CCDC191: variants seen among roughly 807,000 people sequenced by gnomAD.
The protein encoded by CCDC191 is coiled-coil domain containing 191, also known as coiled-coil domain-containing protein 191.
A neutral mutation model predicts 114.0 loss-of-function variants in CCDC191; 99 were observed. That is an observed-to-expected ratio of 0.87 (90% CI 0.74 to 1.03). The LOEUF (loss-of-function observed/expected upper bound fraction) is 1.03, where lower values mean the gene tolerates loss of function less well. Ranked by LOEUF, CCDC191 falls within the 50% of genes least tolerant of loss-of-function variation. The pLI, the probability that CCDC191 is intolerant of heterozygous loss-of-function variation, is 0.00. For missense variants in CCDC191, 973 were observed against 1,087.0 expected, an observed-to-expected ratio of 0.90 and a Z score of 1.47; for synonymous variants, 351 against 376.0, an observed-to-expected ratio of 0.93 and a Z score of 0.77.
chr3:114,007,370 G>A (rs1406372782), intron 9 of CCDC191, among the ~76,000 whole-genome samples: 2 of 152,164 alleles, frequency 1.3e-5, no homozygotes, highest in Non-Finnish European at 2.9e-5. Context: ...CACGATTATA[G>A]AAATGCTTTC....
intron 3 of CCDC191, among the ~76,000 whole-genome samples, chr3:114,045,038 A>T (rs990493871): frequency 6.6e-6 from 1 of 152,218 alleles, no homozygotes; most frequent in East Asian, 1.9e-4. Context: ...CTAGTTTCTC[A>T]GGATAATATA....
rs147266219 is a variant in CCDC191, at chr3:113,978,797, G to C, written c.2460+61C>G. ...CCCTGGACATTCTGGATTTCATTTA[G>C]TTTTCTTAAATAGAATTGAGCAATG... On this transcript the variant is annotated intron_variant, in intron 15 of 16. Transcript: ENST00000295878. 22,081 of 1,544,754 alleles carry C rather than the reference G, an allele frequency of 0.014. 187 individuals are homozygous for C. Among genetic ancestry groups the C allele is most frequent in the Non-Finnish European group, 0.017 (18,905 of 1,134,474 alleles).
At chr3:113,976,760 T>C (rs974018659) in intron 16 of CCDC191, among the ~76,000 whole-genome samples, 8 of 152,180 alleles carry the variant, frequency 5.3e-5, no homozygotes, top group African/African-American at 1.9e-4. Flanking sequence ...TCTGTTGCTA[T>C]CCTCATTTTA....
intron 15 of CCDC191, 52 bp from the exon 16 acceptor site, chr3:113,978,383 G>C: frequency 6.4e-7 from 1 of 1,565,022 alleles, no homozygotes. Context: ...AGTTGACAAA[G>C]AATTAGAGCA....
At chr3:114,044,096 G>C (rs1313230901) in intron 3 of CCDC191, among the ~76,000 whole-genome samples, 1 of 152,012 alleles carries the variant, frequency 6.6e-6, no homozygotes, top group African/African-American at 2.4e-5. Flanking sequence ...TCAGGGGAGA[G>C]GTCCAAGCTG....
At chr3:114,013,016 G>A (rs902798811) in intron 8 of CCDC191, among the ~76,000 whole-genome samples, 3 of 152,160 alleles carry the variant, frequency 2.0e-5, no homozygotes, top group East Asian at 1.9e-4. Flanking sequence ...TTGGGAGGCT[G>A]AGGTGAGTGG....
At chr3:114,034,790 T>C in intron 6 of CCDC191, 135 bp downstream of exon 6, 1 of 742,238 alleles carries the variant, frequency 1.3e-6, no homozygotes, top group Non-Finnish European at 2.3e-6. Context: ...GTTAATTTGT[T>C]AAGATGGTGG....
chr3:114,047,048 T>G, intron 2 of CCDC191: 1 of 954,626 alleles, frequency 1.0e-6, no homozygotes, highest in Non-Finnish European at 1.2e-6. Flanking sequence ...ACATGGATAT[T>G]TTACTTTAAA....
chr3:113,973,818 T>C (rs1045654283), intron 16 of CCDC191, among the ~76,000 whole-genome samples: 3 of 152,068 alleles, frequency 2.0e-5, no homozygotes, highest in Non-Finnish European at 4.4e-5. Context: ...TACGTGGATA[T>C]GTCTTTGTCA....
intron 9 of CCDC191, among the ~76,000 whole-genome samples, chr3:114,007,658 G>A (rs1031710254): frequency 6.6e-6 from 1 of 152,088 alleles, no homozygotes; most frequent in African/African-American, 2.4e-5. Flanking sequence ...TAAAGAACAT[G>A]AAGGAAAAGC....
rs1056889570 is a variant in CCDC191, at chr3:114,026,013, A to G, written c.972+5613T>C. Among the ~76,000 whole-genome samples, 5 of 152,292 alleles carry G rather than the reference A, an allele frequency of 3.3e-5. No homozygotes were observed. In the Middle Eastern group the frequency reaches 0.01, roughly 311 times the overall value. ...AATGTCTAGTGTTTAGGGGGGAAAT[A>G]TTCTACTCTATACAATTTTAGGGAA... On this transcript the variant is annotated intron_variant, in intron 7 of 16. Transcript: ENST00000295878.
intron 4 of CCDC191, among the ~76,000 whole-genome samples, chr3:114,039,012 A>C (rs1269011821): frequency 1.3e-5 from 2 of 152,158 alleles, no homozygotes; most frequent in Non-Finnish European, 2.9e-5. Flanking sequence ...CATCCTGCAC[A>C]TGTACCCTGG....
intron 1 of CCDC191, among the ~76,000 whole-genome samples, chr3:114,055,986 T>C (rs2076769831): frequency 6.6e-6 from 1 of 150,732 alleles, no homozygotes; most frequent in African/African-American, 2.4e-5. Flanking sequence ...CTCTCTCCCG[T>C]TAATAAAGAT....
chr3:114,054,849 T>C (rs1222647089), intron 1 of CCDC191, among the ~76,000 whole-genome samples: 1 of 152,152 alleles, frequency 6.6e-6, no homozygotes, highest in Non-Finnish European at 1.5e-5. Flanking sequence ...TTCCCTCTAA[T>C]AGTCACTTAA....
chr3:114,008,426 G>T (rs1438734039), intron 9 of CCDC191, among the ~76,000 whole-genome samples: 1 of 151,844 alleles, frequency 6.6e-6, no homozygotes, highest in South Asian at 2.1e-4. Flanking sequence ...GCAATAATCA[G>T]GGTAAAAAGC....
intron 2 of CCDC191, among the ~76,000 whole-genome samples, chr3:114,048,707 T>G (rs985435387): frequency 2.0e-5 from 3 of 152,202 alleles, no homozygotes; most frequent in Non-Finnish European, 2.9e-5. Flanking sequence ...CCAGCTCTCC[T>G]TCTCCCCGTC....
At chr3:114,037,392 A>G (rs1196859036) in intron 4 of CCDC191, among the ~76,000 whole-genome samples, 1 of 152,180 alleles carries the variant, frequency 6.6e-6, no homozygotes, top group African/African-American at 2.4e-5. Flanking sequence ...AAATTAGATC[A>G]TACACTTATA....
intron 15 of CCDC191, 31 bp from the exon 16 acceptor site, chr3:113,978,362 C>CA (rs1012190959): frequency 1.2e-6 from 2 of 1,603,564 alleles, no homozygotes; most frequent in Admixed American, 3.4e-5. Context: ...AAAAGTGAGA[C>CA]AAAAAATATC....
rs2076056618 is a variant in CCDC191 at position 114,010,840 on chromosome 3, C to T, written c.1345G>A (p.Gly449Arg). 6.2e-7 allele frequency: 1 copy of T among 1,614,054 alleles called. No homozygotes were observed. Among genetic ancestry groups the T allele is most frequent in the Non-Finnish European group, 8.5e-7 (1 of 1,179,894 alleles). ...AASLGKLSAN[G>R]LSGISLPEEA... Reference sequence around the variant, plus strand: ...TCAGGTAGACTGATGCCTGATAACCCATTGGCACTGAGTTTCCCCAGTGAT... The same window carrying T: ...TCAGGTAGACTGATGCCTGATAACCTATTGGCACTGAGTTTCCCCAGTGAT... Residue 449 changes from glycine (G) to arginine (R), a missense_variant, in exon 9 of 17, where the codon GGG becomes AGG. Gly to Arg is a moderately radical substitution (Grantham distance 125). Coordinates refer to ENST00000295878, the MANE Select transcript of CCDC191 (RefSeq NM_020817.2).
Sources: gnomAD v4.1 joint callset for allele counts (sites outside exome capture counted in the v4.1 genomes callset) on GRCh38, gnomAD v4.1.1 for gene constraint, MANE v1.5 for transcripts, NCBI Gene and HGNC (gene_info 2026-07-23, HGNC 2026-07-21) for gene names.